THSD7B: variants seen among roughly 807,000 people sequenced by gnomAD.
THSD7B encodes thrombospondin type 1 domain containing 7B, also known as thrombospondin type-1 domain-containing protein 7B.
A neutral mutation model predicts 213.6 loss-of-function variants in THSD7B; 138 were observed. That is an observed-to-expected ratio of 0.65 (90% CI 0.56 to 0.74). THSD7B has a LOEUF of 0.74. Among genes scored for constraint, THSD7B ranks in the 30% least tolerant of loss-of-function variants. THSD7B has a pLI of 0.00. For synonymous variants in THSD7B, 742 were observed against 687.0 expected (o/e 1.08, Z -1.25); for missense variants, 1,931 against 1,991.5 (o/e 0.97, Z 0.58).
intron 24 of THSD7B, among the ~76,000 whole-genome samples, chr2:137,658,312 T>C (rs1056802900): frequency 6.6e-6 from 1 of 152,196 alleles, no homozygotes; most frequent in African/African-American, 2.4e-5. Flanking sequence ...TGCAATACAC[T>C]GAGAGTTAAC....
chr2:137,633,847 C>T (rs186693927), intron 20 of THSD7B, among the ~76,000 whole-genome samples: 2 of 152,228 alleles, frequency 1.3e-5, no homozygotes, highest in Non-Finnish European at 2.9e-5. Flanking sequence ...TAATTTAGTG[C>T]CTTCCTCCAT....
At chr2:137,282,784 G>A (rs1032298354) in intron 12 of THSD7B, among the ~76,000 whole-genome samples, 15 of 151,926 alleles carry the variant, frequency 9.9e-5, no homozygotes, top group Admixed American at 7.2e-4. Context: ...TGGTACCAGT[G>A]CCATGCTGTT....
intron 15 of THSD7B, among the ~76,000 whole-genome samples, chr2:137,509,790 G>A (rs1442471910): frequency 6.6e-6 from 1 of 152,118 alleles, no homozygotes; most frequent in East Asian, 1.9e-4. Context: ...AAATAAAGGT[G>A]AAATAAAGAC....
chr2:136,826,089 CATT>C (rs1284277851), intron 1 of THSD7B, among the ~76,000 whole-genome samples: 1 of 152,116 alleles, frequency 6.6e-6, no homozygotes, highest in African/African-American at 2.4e-5. Context: ...AAAAAGGACT[CATT>C]ATACATAAAT....
intron 20 of THSD7B, among the ~76,000 whole-genome samples, chr2:137,632,179 G>A (rs376606953): frequency 5.3e-5 from 8 of 152,206 alleles, no homozygotes; most frequent in South Asian, 4.1e-4. Flanking sequence ...GCCCTGGGTT[G>A]CATGCTATAT....
rs908292231 is a variant in THSD7B, at chr2:137,072,165, A to G, written c.950+14935A>G. ...GAAGAAAGTCATTGGTAGCTTGATG[A>G]GGATGGCATTGAATCTATAAATTAC... On this transcript the variant is annotated intron_variant, in intron 3 of 27. Coordinates refer to ENST00000409968, the MANE Select transcript of THSD7B (RefSeq NM_001316349.2). 2.9e-3 allele frequency among the ~76,000 whole-genome samples: 446 copies of G among 152,202 alleles called. 1 individual carries two copies. Among genetic ancestry groups the G allele is most frequent in the Non-Finnish European group, 4.5e-3 (309 of 67,984 alleles).
intron 2 of THSD7B, among the ~76,000 whole-genome samples, chr2:137,034,844 G>A (rs1573779507): frequency 6.6e-6 from 1 of 152,186 alleles, no homozygotes; most frequent in East Asian, 1.9e-4. Flanking sequence ...TATAATTGAT[G>A]GGCGTTTGGG....
intron 7 of THSD7B, among the ~76,000 whole-genome samples, chr2:137,179,837 C>G (rs1433258548): frequency 2.6e-5 from 4 of 152,064 alleles, no homozygotes; most frequent in Non-Finnish European, 5.9e-5. Context: ...GCCTGAGATG[C>G]TTATCCTCCT....
intron 15 of THSD7B, among the ~76,000 whole-genome samples, chr2:137,517,447 G>A (rs1422120975): frequency 6.6e-6 from 1 of 152,210 alleles, no homozygotes; most frequent in East Asian, 1.9e-4. Flanking sequence ...GGGTCTGGTG[G>A]TGTGAGGCCT....
chr2:136,864,563 T>G (rs1683303003), intron 1 of THSD7B, among the ~76,000 whole-genome samples: 2 of 152,068 alleles, frequency 1.3e-5, no homozygotes, highest in Admixed American at 1.3e-4. Flanking sequence ...TCTTTTCTTT[T>G]TTTTTTTGAG....
chr2:137,641,082 A>T (rs1014172686), intron 20 of THSD7B, among the ~76,000 whole-genome samples: 3 of 152,210 alleles, frequency 2.0e-5, no homozygotes, highest in Non-Finnish European at 4.4e-5. Context: ...TTTCAAGTAA[A>T]TTCTATCTAG....
At chr2:137,506,363 C>T (rs369217661) in intron 15 of THSD7B, among the ~76,000 whole-genome samples, 1 of 152,180 alleles carries the variant, frequency 6.6e-6, no homozygotes, top group Non-Finnish European at 1.5e-5. Flanking sequence ...CTTGGGTAAA[C>T]CATTTTCTGG....
chr2:137,083,919 T>A lies in THSD7B; in HGVS notation c.951-10954T>A, dbSNP rs72848279. Among the ~76,000 whole-genome samples, 1,089 of 152,258 alleles carry A rather than the reference T, an allele frequency of 7.2e-3. 6 individuals are homozygous for A. The highest frequency in any genetic ancestry group is 0.012 in the Non-Finnish European group (813 of 67,976). On this transcript the variant is annotated intron_variant, in intron 3 of 27. Coordinates refer to ENST00000409968, the MANE Select transcript of THSD7B (RefSeq NM_001316349.2). ...ATTAAGAGTTTCTAAAGTACTTAGT[T>A]GCAATTTCACTTTTATAAAAGTACT...
chr2:137,028,436 G>T (rs1465237380), intron 2 of THSD7B, among the ~76,000 whole-genome samples: 1 of 152,150 alleles, frequency 6.6e-6, no homozygotes. Flanking sequence ...GTCACTTAAA[G>T]GGAAATTTCA....
chr2:137,157,241 C>T (rs192623112), intron 5 of THSD7B, among the ~76,000 whole-genome samples: 72 of 152,276 alleles, frequency 4.7e-4, no homozygotes, highest in African/African-American at 1.4e-3. Flanking sequence ...GGACAACAGA[C>T]GCCTACGATT....
At chr2:136,844,988 G>T (rs996539871) in intron 1 of THSD7B, among the ~76,000 whole-genome samples, 6 of 152,144 alleles carry the variant, frequency 3.9e-5, no homozygotes, top group African/African-American at 1.4e-4. Context: ...TTGATACCTA[G>T]TAAATGTCTT....
At chr2:137,632,685 T>C (rs939138439) in intron 20 of THSD7B, among the ~76,000 whole-genome samples, 2 of 152,084 alleles carry the variant, frequency 1.3e-5, no homozygotes, top group Non-Finnish European at 2.9e-5. Flanking sequence ...ATGTCAAAAG[T>C]GCTTAATCTT....
chr2:137,633,031 C>T (rs1389405436), intron 20 of THSD7B, among the ~76,000 whole-genome samples: 2 of 152,180 alleles, frequency 1.3e-5, no homozygotes, highest in African/African-American at 2.4e-5. Flanking sequence ...CAATACCACA[C>T]ATGTGCTAAA....
intron 12 of THSD7B, among the ~76,000 whole-genome samples, chr2:137,395,624 C>CT (rs1197489953): frequency 2.0e-5 from 3 of 152,050 alleles, no homozygotes; most frequent in Non-Finnish European, 2.9e-5. Flanking sequence ...CTAAAATTCT[C>CT]TTTTTTTGTT....
Sources: gnomAD v4.1 joint callset for allele counts (sites outside exome capture counted in the v4.1 genomes callset) on GRCh38, gnomAD v4.1.1 for gene constraint, MANE v1.5 for transcripts, NCBI Gene and HGNC (gene_info 2026-07-23, HGNC 2026-07-21) for gene names.